ANKRD11: variants seen among roughly 807,000 people sequenced by gnomAD.
ANKRD11 encodes the protein ankyrin repeat domain-containing protein 11.
ANKRD11 carries 17 observed loss-of-function variants against 195.7 expected under a neutral mutation model. The ratio of observed to expected loss-of-function variants is 0.09; its 90% CI spans 0.06 to 0.13. The LOEUF is 0.13. ANKRD11 is among the 10% of genes least tolerant of loss of function. The probability of loss-of-function intolerance (pLI) is 1.00; values close to 1 mark genes in which losing one functional copy is unlikely to be tolerated. For missense variants in ANKRD11, 3,735 were observed against 3,566.1 expected, an observed-to-expected ratio of 1.05 and a Z score of -1.21; for synonymous variants, 1,953 against 1,528.1, an observed-to-expected ratio of 1.28 and a Z score of -6.49.
intron 2 of ANKRD11, chr16:89,343,683 C>A (rs903847285): frequency 6.6e-6 from 1 of 152,288 alleles, no homozygotes; most frequent in East Asian, 1.9e-4. Flanking sequence ...CACCAATTAC[C>A]TTCACAGACC....
intron 2 of ANKRD11, among the ~76,000 whole-genome samples, chr16:89,399,466 A>G (rs1191019149): frequency 2.6e-5 from 4 of 152,260 alleles, no homozygotes; most frequent in Non-Finnish European, 4.4e-5. Flanking sequence ...AAAACCGTGC[A>G]GACAGCACAA....
rs61729371 is a variant in ANKRD11, at chr16:89,283,380, T to C, written c.3162A>G (p.Lys1054=). The C allele has an allele frequency of 3.6e-3, 5,871 of 1,613,936 alleles. 173 individuals are homozygous for C. In the African/African-American group the frequency reaches 0.07, roughly 19 times the overall value. Residue 1054 remains lysine (K), a synonymous_variant, in exon 9 of 13, where the codon AAA becomes AAG. Transcript: ENST00000301030. This position sits in a 1 kb window ranked among gnomAD's most constrained non-coding sequence, Gnocchi z 4.3. ...EKCQKDKEFD[K]CFKEKKDTKE... ...TGGTATCTTTTTTCTCTTTAAAACA[T>C]TTATCAAATTCTTTGTCCTTCTGAC... is the stretch of plus-strand genomic sequence containing the variant.
chr16:89,332,805 A>C (rs1162673628), intron 2 of ANKRD11, among the ~76,000 whole-genome samples: 2 of 152,208 alleles, frequency 1.3e-5, no homozygotes, highest in Non-Finnish European at 2.9e-5. Context: ...TCCTGGTACA[A>C]CTGAGAAAGC....
rs188800705 is a variant in ANKRD11 at position 89,274,776 on chromosome 16, A to G, written c.7713+38T>C. 19 of 1,604,578 alleles carry G rather than the reference A, an allele frequency of 1.2e-5. No homozygotes were observed. In the African/African-American group the frequency reaches 2.3e-4, roughly 19 times the overall value. On this transcript the variant is annotated intron_variant, in intron 11 of 12. Transcript: ENST00000301030. ...GAGGGGAGGCGGGCAGGGTGCAGGC[A>G]CTTGGACTCATGGGCCTGGCATGCA... is the stretch of plus-strand genomic sequence containing the variant.
At chr16:89,408,953 C>A (rs528554726) in intron 2 of ANKRD11, among the ~76,000 whole-genome samples, 48 of 152,300 alleles carry the variant, frequency 3.2e-4, no homozygotes, top group African/African-American at 1.1e-3. Flanking sequence ...CTGTGGAGTG[C>A]GGTTTCTAAA....
At position 89,280,229 on chromosome 16, in the gene ANKRD11, C is replaced by T. The variant is rs755913170; in HGVS notation, c.6313G>A (p.Gly2105Ser). The T allele has an allele frequency of 5.6e-6, 9 of 1,608,104 alleles. No homozygotes were observed. Among genetic ancestry groups the T allele is most frequent in the South Asian group, 2.2e-5 (2 of 91,000 alleles). Residue 2105 changes from glycine to serine, a missense_variant, in exon 9 of 13, where the codon GGC (glycine) becomes AGC (serine). Coordinates refer to ENST00000301030, the MANE Select transcript of ANKRD11 (RefSeq NM_013275.6). ...CCGAGGTGAGACAGGCCGCGGCTGC[C>T]GTCCAGGAAGCTATTTTCCAGGGGC... ...LGPLENSFLD[G>S]SRGLSHLGQV...
chr16:89,433,631 A>T (rs1285306036), intron 1 of ANKRD11, among the ~76,000 whole-genome samples: 4 of 151,274 alleles, frequency 2.6e-5, no homozygotes, highest in Middle Eastern at 6.9e-3. Flanking sequence ...GCTTGGACGC[A>T]GCAGGGCTGG....
chr16:89,382,352 G>C (rs1319586250), intron 2 of ANKRD11, among the ~76,000 whole-genome samples: 2 of 152,026 alleles, frequency 1.3e-5, no homozygotes, highest in Non-Finnish European at 2.9e-5. Flanking sequence ...TAAAGACAGA[G>C]TCTCGTTCTG....
At chr16:89,340,974 T>G (rs1275171264) in intron 2 of ANKRD11, among the ~76,000 whole-genome samples, 2 of 152,174 alleles carry the variant, frequency 1.3e-5, no homozygotes, top group Admixed American at 6.5e-5. Context: ...TGGACGGACA[T>G]TCTACCTTCC....
intron 2 of ANKRD11, among the ~76,000 whole-genome samples, chr16:89,404,790 T>C (rs1350523343): frequency 6.6e-6 from 1 of 152,234 alleles, no homozygotes; most frequent in Admixed American, 6.5e-5. Context: ...AAGGTCATTC[T>C]GAGGATGAAG....
chr16:89,328,741 A>C (rs1171377641), intron 2 of ANKRD11, among the ~76,000 whole-genome samples: 56 of 127,898 alleles, frequency 4.4e-4, no homozygotes, highest in African/African-American at 1.3e-3. Flanking sequence ...CATACCCAGG[A>C]GCACGGGCGA....
chr16:89,471,347 G>A (rs2057077554), intron 1 of ANKRD11, among the ~76,000 whole-genome samples: 1 of 152,148 alleles, frequency 6.6e-6, no homozygotes, highest in African/African-American at 2.4e-5. Flanking sequence ...GTGGAGTGGT[G>A]CTCTCACCAC....
At chr16:89,324,329 C>T (rs757412379) in intron 2 of ANKRD11, 22 of 1,210,108 alleles carry the variant, frequency 1.8e-5, no homozygotes, top group Non-Finnish European at 2.3e-5. Flanking sequence ...GCAGTCGGGG[C>T]GACGTGGGTG....
intron 3 of ANKRD11, among the ~76,000 whole-genome samples, chr16:89,306,999 G>A (rs1459379529): frequency 7.4e-5 from 11 of 149,516 alleles, no homozygotes; most frequent in East Asian, 4.0e-4. Context: ...CACACACAGC[G>A]CTCGGGACGT....
At chr16:89,331,996 T>A (rs1788933113) in intron 2 of ANKRD11, among the ~76,000 whole-genome samples, 1 of 152,072 alleles carries the variant, frequency 6.6e-6, no homozygotes, top group Admixed American at 6.6e-5. Context: ...AAAAAAAATT[T>A]AAAAACTCAG....
At chr16:89,384,879 C>CTTTTTCTTTTTTTTTTT (rs2040833636) in intron 2 of ANKRD11, among the ~76,000 whole-genome samples, 1 of 49,910 alleles carries the variant, frequency 2.0e-5, no homozygotes, top group African/African-American at 7.9e-5. Flanking sequence ...AAATAGTTTT[C>CTTTTTCTTTTTTTTTTT]TTTTTTTTTT....
intron 2 of ANKRD11, among the ~76,000 whole-genome samples, chr16:89,334,819 G>A (rs1403009315): frequency 6.6e-6 from 1 of 152,104 alleles, no homozygotes; most frequent in Non-Finnish European, 1.5e-5. Context: ...GAGTCCAGGT[G>A]GCCCACAACA....
chr16:89,313,502 C>T lies in ANKRD11; in HGVS notation c.87+3431G>A, dbSNP rs4785657. 3,142 of 1,289,208 alleles carry T rather than the reference C, an allele frequency of 2.4e-3. 113 individuals carry two copies. In the Admixed American group the frequency reaches 0.066, roughly 27 times the overall value. 79.9% of individuals were successfully genotyped at this position (1,289,208 alleles called of 1,614,324 possible). The stretch of plus-strand genomic sequence containing the variant: ...GGACACGCACAAGCCGTCAGGTCAG[C>T]GCGGCATCAGGATGCACTGCAGAGT... On this transcript the variant is annotated intron_variant, in intron 3 of 12. Transcript: ENST00000301030.
intron 1 of ANKRD11, among the ~76,000 whole-genome samples, chr16:89,486,265 C>T (rs916710252): frequency 3.3e-5 from 5 of 151,994 alleles, no homozygotes; most frequent in African/African-American, 1.2e-4. Flanking sequence ...CACAGGAAGA[C>T]CCTGTTTCTA....
Sources: allele counts gnomAD v4.1 joint callset (sites outside exome capture counted in the v4.1 genomes callset), GRCh38; gene constraint gnomAD v4.1.1; non-coding constraint Gnocchi (gnomAD v3.1); transcripts MANE v1.5; gene names NCBI Gene and HGNC (gene_info 2026-07-23, HGNC 2026-07-21).